Variants in IL23R observed in about 807,000 individuals in gnomAD.
The protein encoded by IL23R is interleukin-23 receptor.
A neutral mutation model predicts 56.9 loss-of-function variants in IL23R; 34 were observed. The ratio of observed to expected loss-of-function variants is 0.60; its 90% confidence interval spans 0.45 to 0.80. The LOEUF is 0.80. IL23R is among the 30% of genes least tolerant of loss of function. The pLI is 0.00. For synonymous variants in IL23R, 230 were observed against 249.2 expected (o/e 0.92, Z 0.73); for missense variants, 635 against 730.0 (o/e 0.87, Z 1.50).
intron 1 of IL23R, among the ~76,000 whole-genome samples, chr1:67,148,711 C>T (rs1646703641): frequency 6.6e-6 from 1 of 152,216 alleles, no homozygotes; most frequent in Non-Finnish European, 1.5e-5. Context: ...CCCTGTCCCC[C>T]ACTTTAAACA....
intron 7 of IL23R, 84 bp downstream of exon 7, chr1:67,219,814 C>T: frequency 7.3e-7 from 1 of 1,365,288 alleles, no homozygotes; most frequent in Non-Finnish European, 1.0e-6. Flanking sequence ...ACCTATAATT[C>T]CAGCACTTTG....
downstream of IL23R, among the ~76,000 whole-genome samples, chr1:67,261,778 T>C (rs1653212205): frequency 6.6e-6 from 1 of 152,242 alleles, no homozygotes; most frequent in Non-Finnish European, 1.5e-5. Context: ...AATTGTAATC[T>C]ATCACACATG....
At chr1:67,208,702 C>T (rs561146713) in intron 6 of IL23R, among the ~76,000 whole-genome samples, 29 of 152,282 alleles carry the variant, frequency 1.9e-4, no homozygotes, top group African/African-American at 3.6e-4. Flanking sequence ...GCTGCAGGGA[C>T]GGGGCCCTCA....
Position 67,258,517 on chromosome 1 carries a change from G to A in IL23R, c.1279G>A (p.Val427Ile). The A allele has an allele frequency of 6.2e-7, 1 of 1,603,756 alleles. No individual in the cohort carries two copies. The highest frequency in any genetic ancestry group is 8.5e-7 in the Non-Finnish European group (1 of 1,175,146). The part of the protein sequence containing the change: ...ELMNNNSSEQ[V>I]LYVDPMITEI... ...TATGAATAATAATTCCAGTGAGCAG[G>A]TCCTATATGTTGATCCCATGATTAC... Residue 427 changes from valine (V) to isoleucine (I), a missense_variant, in exon 11 of 11, where the codon GTC becomes ATC. Physicochemically the swap from Val to Ile is conservative, Grantham distance 29 (BLOSUM62 3). Transcript: ENST00000347310.
At chr1:67,186,776 G>A (rs1295260100) in intron 4 of IL23R, among the ~76,000 whole-genome samples, 2 of 151,904 alleles carry the variant, frequency 1.3e-5, no homozygotes, top group African/African-American at 4.8e-5. Context: ...ACGCCACCAC[G>A]CCCAGCTGAT....
rs115916215 is a variant in IL23R, at chr1:67,211,943, G to A, written c.798+4888G>A. Among the ~76,000 whole-genome samples, 549 of 152,252 alleles carry A rather than the reference G, an allele frequency of 3.6e-3. 2 individuals carry two copies. Among genetic ancestry groups the A allele is most frequent in the Non-Finnish European group, 5.6e-3 (379 of 68,024 alleles). ...CAATCCTTTGTGATAGGTAGTATTA[G>A]CTCCATTATATAAATAGGGAAATAG... On this transcript the variant is annotated intron_variant, in intron 6 of 10. Transcript: ENST00000347310.
chr1:67,218,781 T>C (rs1650040756), intron 6 of IL23R, among the ~76,000 whole-genome samples: 1 of 151,634 alleles, frequency 6.6e-6, no homozygotes, highest in Admixed American at 6.6e-5. Context: ...TATCCAATCA[T>C]GGTAGTGCAT....
intron 4 of IL23R, among the ~76,000 whole-genome samples, chr1:67,186,869 C>T (rs1446519630): frequency 6.6e-6 from 1 of 152,136 alleles, no homozygotes; most frequent in Non-Finnish European, 1.5e-5. Flanking sequence ...AACCCTCCTG[C>T]CTTGGCCTCC....
chr1:67,149,697 G>T (rs371304252), intron 1 of IL23R, among the ~76,000 whole-genome samples: 15 of 152,064 alleles, frequency 9.9e-5, no homozygotes, highest in African/African-American at 3.6e-4. Context: ...TATACTGGAG[G>T]TTCATTTTTC....
chr1:67,253,341 A>G (rs2100379014), intron 9 of IL23R, among the ~76,000 whole-genome samples: 1 of 152,258 alleles, frequency 6.6e-6, no homozygotes, highest in South Asian at 2.1e-4. Flanking sequence ...AATTTTACTG[A>G]TGCATTGAGT....
chr1:67,170,031 T>C (rs982361374), intron 3 of IL23R, among the ~76,000 whole-genome samples: 7 of 152,250 alleles, frequency 4.6e-5, no homozygotes, highest in Admixed American at 4.6e-4. Flanking sequence ...TCTTTTAATC[T>C]TCTTGTTTAT....
At chr1:67,163,848 T>C (rs1001974411), upstream of IL23R, among the ~76,000 whole-genome samples, 1 of 152,214 alleles carries the variant, frequency 6.6e-6, no homozygotes, top group Non-Finnish European at 1.5e-5. Flanking sequence ...GCCTCTTTTC[T>C]TTATAAATTA....
intron 6 of IL23R, among the ~76,000 whole-genome samples, chr1:67,211,759 G>C (rs1056375158): frequency 6.6e-6 from 1 of 152,200 alleles, no homozygotes; most frequent in African/African-American, 2.4e-5. Flanking sequence ...GAAGCCAACT[G>C]TTTTCTGGTT....
rs777183256 is a variant in IL23R, at chr1:67,242,698, G to A, written c.1148+2417G>A. Among the ~76,000 whole-genome samples the A allele has an allele frequency of 1.3e-3, 200 of 152,322 alleles. 1 individual carries two copies. Among genetic ancestry groups the A allele is most frequent in the Non-Finnish European group, 2.4e-3 (161 of 68,032 alleles). ...GGACAGTCTTTCTCTAATGTTCTCA[G>A]AAGATTCATTCTTTGGGTTCTAGAT... On this transcript the variant is annotated intron_variant, in intron 9 of 10. Coordinates refer to ENST00000347310, the MANE Select transcript of IL23R (RefSeq NM_144701.3).
intron 5 of IL23R, among the ~76,000 whole-genome samples, chr1:67,203,430 A>C (rs1018321444): frequency 6.6e-6 from 1 of 152,092 alleles, no homozygotes; most frequent in Non-Finnish European, 1.5e-5. Flanking sequence ...CACACTGGGA[A>C]CTAGGAGTTT....
intron 3 of IL23R, among the ~76,000 whole-genome samples, chr1:67,180,312 G>A (rs36141205): frequency 6.6e-6 from 1 of 152,170 alleles, no homozygotes; most frequent in African/African-American, 2.4e-5. Flanking sequence ...CCTGTATTGG[G>A]TGCATATATA....
At chr1:67,234,613 A>T (rs1651338707) in intron 7 of IL23R, among the ~76,000 whole-genome samples, 3 of 152,226 alleles carry the variant, frequency 2.0e-5, no homozygotes, top group Non-Finnish European at 4.4e-5. Context: ...AAAATAATAA[A>T]AGTGAAAACA....
chr1:67,259,139 T>C lies in IL23R; in HGVS notation c.*11T>C, dbSNP rs1247038371. The C allele has an allele frequency of 3.1e-6, 5 of 1,613,426 alleles. No homozygotes were observed. The highest frequency in any genetic ancestry group is 1.3e-5 in the African/African-American group (1 of 75,014). On this transcript the variant is annotated 3_prime_UTR_variant, in exon 11 of 11. Coordinates refer to ENST00000347310, the MANE Select transcript of IL23R (RefSeq NM_144701.3). ...CTCTTGGAAAAGTAGAGCTGTGTGGTCAAAATCAATATGAGAAAGCTGCCT... is the reference window on the plus strand; with the variant it reads ...CTCTTGGAAAAGTAGAGCTGTGTGGCCAAAATCAATATGAGAAAGCTGCCT...
At chr1:67,211,450 G>A (rs1054246326) in intron 6 of IL23R, among the ~76,000 whole-genome samples, 5 of 152,076 alleles carry the variant, frequency 3.3e-5, no homozygotes, top group Non-Finnish European at 5.9e-5. Context: ...GCAAAACCCC[G>A]TCTCTACTGA....
Sources: allele counts gnomAD v4.1 joint callset (sites outside exome capture counted in the v4.1 genomes callset), GRCh38; gene constraint gnomAD v4.1.1; transcripts MANE v1.5; gene names NCBI Gene and HGNC (gene_info 2026-07-23, HGNC 2026-07-21).